Variants in ACSBG1 observed in about 807,000 individuals in gnomAD.
ACSBG1 encodes the protein acyl-CoA synthetase bubblegum family member 1, also known as long-chain-fatty-acid--CoA ligase ACSBG1.
In ACSBG1, 39 loss-of-function variants were observed where a neutral mutation model predicts 80.2. The ratio of observed to expected loss-of-function variants is 0.49; its 90% confidence interval spans 0.38 to 0.64. The LOEUF is 0.64. Among genes scored for constraint, ACSBG1 ranks in the 30% least tolerant of loss-of-function variants. The pLI is 0.00. For missense variants in ACSBG1, 828 were observed against 966.4 expected (o/e 0.86, Z 1.90); for synonymous variants, 392 against 379.5 (o/e 1.03, Z -0.38).
intron 1 of ACSBG1, among the ~76,000 whole-genome samples, chr15:78,213,052 A>G (rs1420703978): frequency 6.6e-6 from 1 of 152,134 alleles, no homozygotes; most frequent in African/African-American, 2.4e-5. Context: ...CAGCGGGCAA[A>G]GCAGAACTGA....
intron 2 of ACSBG1, among the ~76,000 whole-genome samples, chr15:78,199,684 A>G (rs1203742835): frequency 2.0e-5 from 3 of 147,300 alleles, no homozygotes; most frequent in African/African-American, 5.1e-5. Flanking sequence ...TCTAGTAGAG[A>G]CAAGGTCTTG....
In ACSBG1 at chr15:78,178,679, A is replaced by G; in HGVS notation, c.1637T>C (p.Leu546Pro). ...TCEAIDEEGWLHTGDAGRLDA... is the reference protein window; with the variant it reads ...TCEAIDEEGWPHTGDAGRLDA... ...CAGGCGGCCAGCATCACCCGTGTGC[A>G]GCCAGCCTTCCTCGTCGATGGCCTC... Residue 546 changes from leucine (L) to proline (P), a missense_variant, in exon 11 of 14, where the codon CTG becomes CCG. Around this residue, in one of 3 missense-constraint regions of ACSBG1, gnomAD observed 271 missense variants for 375.9 expected, o/e 0.72. Coordinates refer to ENST00000258873, the MANE Select transcript of ACSBG1 (RefSeq NM_015162.5). This position sits in a 1 kb window ranked among gnomAD's most constrained non-coding sequence, Gnocchi z 4.3. The G allele has an allele frequency of 6.2e-7, 1 of 1,614,092 alleles. No homozygotes were observed. The highest frequency in any genetic ancestry group is 8.5e-7 in the Non-Finnish European group (1 of 1,179,988).
chr15:78,212,310 G>A (rs1017682327), intron 1 of ACSBG1, among the ~76,000 whole-genome samples: 1 of 152,130 alleles, frequency 6.6e-6, no homozygotes, highest in Non-Finnish European at 1.5e-5. Context: ...GCAAGGAGAA[G>A]GTGATATATA....
chr15:78,194,374 C>T, intron 3 of ACSBG1, 132 bp downstream of exon 3: 1 of 848,226 alleles, frequency 1.2e-6, no homozygotes, highest in Non-Finnish European at 1.8e-6. Flanking sequence ...GCCCCACGCA[C>T]AATGACAGCT....
intron 1 of ACSBG1, among the ~76,000 whole-genome samples, chr15:78,219,709 G>T (rs190981895): frequency 6.6e-6 from 1 of 152,286 alleles, no homozygotes; most frequent in East Asian, 1.9e-4. Context: ...ACCTGGCCGG[G>T]CGCGGTGGCT....
Position 78,182,605 on chromosome 15 carries a change from A to G in ACSBG1, c.755T>C (p.Phe252Ser). 1 of 1,614,060 alleles carries G rather than the reference A, an allele frequency of 6.2e-7. No homozygotes were observed. The highest frequency in any genetic ancestry group is 1.1e-5 in the South Asian group (1 of 91,086). The change falls in exon 7 of 14, where the codon TTC becomes TCC. Residue 252 changes from phenylalanine (F) to serine (S), a missense_variant. By Grantham distance (155) the Phe-to-Ser change is radical (BLOSUM62 -2). Around this residue, in one of 3 missense-constraint regions of ACSBG1, gnomAD observed 356 missense variants for 363.5 expected, o/e 0.98. Coordinates refer to ENST00000258873, the MANE Select transcript of ACSBG1 (RefSeq NM_015162.5). Reference sequence around the variant, plus strand: ...AGGCACTTCATTCCCCAGCTCCATGAATTCCTCCATCTGTAGCCAGATGCA... The same window carrying G: ...AGGCACTTCATTCCCCAGCTCCATGGATTCCTCCATCTGTAGCCAGATGCA... ...KMANVYTMEE[F>S]MELGNEVPEE... is the part of the protein sequence containing the mutation.
chr15:78,174,588 C>T (rs753436412), intron 11 of ACSBG1, 64 bp from the exon 12 acceptor site: 1 of 1,550,482 alleles, frequency 6.4e-7, no homozygotes, highest in Non-Finnish European at 8.7e-7. Context: ...TGAACCACAA[C>T]CCAAGCCTCA....
At chr15:78,225,484 A>G (rs2141389587) in intron 1 of ACSBG1, among the ~76,000 whole-genome samples, 1 of 152,044 alleles carries the variant, frequency 6.6e-6, no homozygotes. Flanking sequence ...CAACAAAAAC[A>G]TAAAATTTCT....
chr15:78,198,343 T>C (rs891259657), intron 2 of ACSBG1, among the ~76,000 whole-genome samples: 1 of 149,890 alleles, frequency 6.7e-6, no homozygotes, highest in Non-Finnish European at 1.5e-5. Flanking sequence ...GCCCAGCCAC[T>C]ATAATCTCTT....
intron 5 of ACSBG1, among the ~76,000 whole-genome samples, chr15:78,183,860 T>C (rs1247364675): frequency 1.9e-5 from 2 of 103,836 alleles, no homozygotes; most frequent in Non-Finnish European, 1.8e-5. Flanking sequence ...CTGGGCAATA[T>C]AGTGAGGCCG....
chr15:78,215,790 A>AAGAAAGAAAG (rs2075307995), intron 1 of ACSBG1, among the ~76,000 whole-genome samples: 5 of 147,564 alleles, frequency 3.4e-5, no homozygotes, highest in Non-Finnish European at 6.0e-5. Context: ...AAGAAAGAGA[A>AAGAAAGAAAG]AGAAAGAGAG....
Position 78,180,680 on chromosome 15 carries a change from C to T in ACSBG1, c.1253+75G>A, listed in dbSNP as rs796851895. ...TGGAACCGGGACAGGCATGGCGTAT[C>T]AGACCCTCACTGTGTTTTGGGTTAT... On this transcript the variant is annotated intron_variant, in intron 9 of 13. Coordinates refer to ENST00000258873, the MANE Select transcript of ACSBG1 (RefSeq NM_015162.5). The T allele has an allele frequency of 9.7e-5, 150 of 1,543,524 alleles. No individual in the cohort carries two copies. In the African/African-American group the frequency reaches 1.8e-3, roughly 19 times the overall value.
intron 1 of ACSBG1, among the ~76,000 whole-genome samples, chr15:78,210,586 C>T (rs758436312): frequency 1.2e-4 from 19 of 152,130 alleles, no homozygotes; most frequent in Admixed American, 9.2e-4. Context: ...TCGTAATGGT[C>T]GTCTTTCAGT....
chr15:78,205,396 A>C lies in ACSBG1; in HGVS notation c.232+2606T>G, dbSNP rs79022880. 2.6e-4 allele frequency among the ~76,000 whole-genome samples: 40 copies of C among 151,862 alleles called. No individual in the cohort carries two copies. The South Asian group carries it at 4.1e-3, about 16-fold the overall frequency. The stretch of plus-strand genomic sequence containing the variant: ...TGATTCCTGTGTACAAGACTCAAAG[A>C]GCTCCCCAGAGGGGCTGCCAGTGTC... On this transcript the variant is annotated intron_variant, in intron 2 of 13. Transcript: ENST00000258873.
chr15:78,209,953 G>T (rs1253636354), intron 1 of ACSBG1, among the ~76,000 whole-genome samples: 1 of 152,226 alleles, frequency 6.6e-6, no homozygotes, highest in Non-Finnish European at 1.5e-5. Context: ...CAGAAAATTA[G>T]TGTAAACTGG....
intron 2 of ACSBG1, among the ~76,000 whole-genome samples, chr15:78,205,031 C>T (rs2075201123): frequency 6.6e-6 from 1 of 152,098 alleles, no homozygotes; most frequent in African/African-American, 2.4e-5. Context: ...GGAGCCAGCC[C>T]TGGCCAGCAC....
intron 2 of ACSBG1, among the ~76,000 whole-genome samples, chr15:78,204,410 G>C (rs978407676): frequency 1.3e-5 from 2 of 152,204 alleles, no homozygotes; most frequent in African/African-American, 4.8e-5. Flanking sequence ...AGCCGGGTCT[G>C]AGCAAGAACC....
At chr15:78,231,886 GCTCT>G (rs879408050) in intron 1 of ACSBG1, among the ~76,000 whole-genome samples, 1 of 152,178 alleles carries the variant, frequency 6.6e-6, no homozygotes, top group Non-Finnish European at 1.5e-5. Flanking sequence ...ACTGCACCTG[GCTCT>G]CTCTGACTTT....
At chr15:78,213,626 C>A (rs1056176462) in intron 1 of ACSBG1, 1 of 152,284 alleles carries the variant, frequency 6.6e-6, no homozygotes, top group Admixed American at 6.5e-5. Context: ...CCCCAGATAC[C>A]TCTGACCTAT....
Sources: gnomAD v4.1 joint callset for allele counts (sites outside exome capture counted in the v4.1 genomes callset) on GRCh38, gnomAD v4.1.1 for gene constraint, gnomAD v4.1.1 regional missense constraint, Gnocchi (gnomAD v3.1) non-coding constraint, MANE v1.5 for transcripts, NCBI Gene and HGNC (gene_info 2026-07-23, HGNC 2026-07-21) for gene names.